Variants in MTAP observed in about 807,000 individuals in gnomAD.
The protein encoded by MTAP is S-methyl-5'-thioadenosine phosphorylase.
A neutral mutation model predicts 33.6 loss-of-function variants in MTAP; 33 were observed. The ratio of observed to expected loss-of-function variants is 0.98; its 90% CI spans 0.74 to 1.31. The LOEUF (loss-of-function observed/expected upper bound fraction) is 1.31. Among genes scored for constraint, MTAP ranks in the 40% most tolerant of loss-of-function variants. The probability of loss-of-function intolerance (pLI) is 0.00; values close to 1 mark genes in which losing one functional copy is unlikely to be tolerated. For synonymous variants in MTAP, 148 were observed against 125.7 expected (o/e 1.18, Z -1.19); for missense variants, 367 against 360.0 (o/e 1.02, Z -0.16).
At chr9:21,887,025 T>C (rs147728690) in intron 1 of MTAP, among the ~76,000 whole-genome samples, 229 of 152,326 alleles carry the variant, frequency 1.5e-3, no homozygotes, top group African/African-American at 5.2e-3. Context: ...GCATTGCTTT[T>C]GGCAGTATGG....
At chr9:21,915,265 G>T (rs941930825) in intron 1 of MTAP, among the ~76,000 whole-genome samples, 16 of 150,808 alleles carry the variant, frequency 1.1e-4, no homozygotes, top group Admixed American at 2.0e-4. Context: ...ATTTTTTTTT[G>T]TATTTTTAGT....
At position 21,863,582 on chromosome 9, in the gene MTAP, C is replaced by G. The variant is rs1825796136; in HGVS notation, c.*1568C>G. Reference sequence around the variant, plus strand: ...AGCTTGCAGTGAGACGAGCTTGTGCCACTGCACTCCAGCCTGGGCAACAGA... The same window carrying G: ...AGCTTGCAGTGAGACGAGCTTGTGCGACTGCACTCCAGCCTGGGCAACAGA... On this transcript the variant is annotated 3_prime_UTR_variant, in exon 8 of 8. Coordinates refer to ENST00000644715, the MANE Select transcript of MTAP (RefSeq NM_002451.4). 1 of 920,510 alleles carries G rather than the reference C, an allele frequency of 1.1e-6. No individual in the cohort carries two copies. Among genetic ancestry groups the G allele is most frequent in the Non-Finnish European group, 1.3e-6 (1 of 771,308 alleles). 57.0% of individuals were successfully genotyped at this position (920,510 alleles called of 1,614,324 possible).
At chr9:21,878,143 G>A (rs1158994193) in intron 1 of MTAP, among the ~76,000 whole-genome samples, 2 of 152,044 alleles carry the variant, frequency 1.3e-5, no homozygotes, top group Admixed American at 6.6e-5. Flanking sequence ...GTGTTCATAG[G>A]GGTGTTTATA....
At chr9:21,855,135 A>G (rs1243486348) in intron 6 of MTAP, among the ~76,000 whole-genome samples, 3 of 152,274 alleles carry the variant, frequency 2.0e-5, no homozygotes, top group South Asian at 2.1e-4. Context: ...CTTGGGCCTT[A>G]TTTTCAGGAT....
At chr9:21,803,728 G>A (rs1421292774) in intron 1 of MTAP, among the ~76,000 whole-genome samples, 1 of 84,354 alleles carries the variant, frequency 1.2e-5, no homozygotes, top group Non-Finnish European at 2.2e-5. Context: ...CTAAGAATGC[G>A]TTCTTGTTTG....
downstream of MTAP, chr9:21,867,160 A>G (rs1195434220): frequency 6.6e-6 from 1 of 152,164 alleles, no homozygotes; most frequent in Admixed American, 6.5e-5. Context: ...GAATAACAAC[A>G]GTTTACCTTT....
chr9:21,836,291 A>G (rs565445710), intron 4 of MTAP, among the ~76,000 whole-genome samples: 17 of 152,336 alleles, frequency 1.1e-4, no homozygotes, highest in Middle Eastern at 3.4e-3. Flanking sequence ...GAGGAAATTA[A>G]GACTGTAGTT....
rs1025246875 is a variant in MTAP at position 21,821,095 on chromosome 9, T to C, written c.347+2893T>C. On this transcript the variant is annotated intron_variant, in intron 4 of 7. Coordinates refer to ENST00000644715, the MANE Select transcript of MTAP (RefSeq NM_002451.4). ...AACAAGGACAATTTGATTACTCTTT[T>C]CCTAATTGAATACCCTTTACATCTT... Among the ~76,000 whole-genome samples the C allele has an allele frequency of 2.6e-5, 4 of 152,222 alleles. 1 individual carries two copies. Among genetic ancestry groups the C allele is most frequent in the Admixed American group, 1.3e-4 (2 of 15,288 alleles).
chr9:21,840,145 G>C (rs1825207818), intron 5 of MTAP, among the ~76,000 whole-genome samples: 1 of 151,914 alleles, frequency 6.6e-6, no homozygotes, highest in Non-Finnish European at 1.5e-5. Flanking sequence ...AGAATCGCTT[G>C]AACCTGGGAG....
downstream of MTAP, among the ~76,000 whole-genome samples, chr9:21,871,816 A>G (rs1465892295): frequency 6.6e-6 from 1 of 152,166 alleles, no homozygotes; most frequent in Non-Finnish European, 1.5e-5. Context: ...TTTACTACGT[A>G]AAATTCTACC....
intron 1 of MTAP, among the ~76,000 whole-genome samples, chr9:21,811,109 G>A (rs940823809): frequency 6.6e-5 from 10 of 152,214 alleles, no homozygotes; most frequent in African/African-American, 2.2e-4. Context: ...TTACCTTATC[G>A]TGAGCTTGAG....
At chr9:21,857,003 A>G (rs1825657523) in intron 6 of MTAP, among the ~76,000 whole-genome samples, 1 of 152,222 alleles carries the variant, frequency 6.6e-6, no homozygotes, top group African/African-American at 2.4e-5. Flanking sequence ...TGAGATATGT[A>G]AAAAAGCTAG....
downstream of MTAP, among the ~76,000 whole-genome samples, chr9:21,868,638 T>G (rs960021716): frequency 6.6e-6 from 1 of 152,128 alleles, no homozygotes; most frequent in Admixed American, 6.5e-5. Context: ...CTTTCCTACT[T>G]AAAACCCTTC....
Position 21,838,180 on chromosome 9 carries a change from C to A in MTAP, c.450+170C>A, listed in dbSNP as rs12378675. On this transcript the variant is annotated intron_variant, in intron 5 of 7. Transcript: ENST00000644715. The stretch of plus-strand genomic sequence containing the variant: ...TTCCTGTTGCTAATAATTTCCTGTT[C>A]CTCTGTTACTCTCAGTCATTTTAAG... Among the ~76,000 whole-genome samples, 7,172 of 152,278 alleles carry A rather than the reference C, an allele frequency of 0.047. 217 individuals are homozygous for A. The highest frequency in any genetic ancestry group is 0.078 in the Middle Eastern group (23 of 294).
chr9:21,852,509 CAAA>C (rs10628807), intron 5 of MTAP, among the ~76,000 whole-genome samples: 5 of 114,598 alleles, frequency 4.4e-5, no homozygotes, highest in Admixed American at 1.7e-4. Flanking sequence ...GACTCCATCT[CAAA>C]AAAAAAAAAA....
intron 1 of MTAP, among the ~76,000 whole-genome samples, chr9:21,920,049 AAG>A (rs1197654307): frequency 7.3e-6 from 1 of 136,628 alleles, no homozygotes; most frequent in African/African-American, 3.7e-5. Flanking sequence ...GATTAGAGAC[AAG>A]AGAACAAGAA....
At chr9:21,807,658 C>G (rs1824242854) in intron 1 of MTAP, among the ~76,000 whole-genome samples, 1 of 152,264 alleles carries the variant, frequency 6.6e-6, no homozygotes, top group Non-Finnish European at 1.5e-5. Context: ...GACCCCAAGG[C>G]TAAATCCCAA....
chr9:21,895,077 A>G (rs1189252081), intron 1 of MTAP, among the ~76,000 whole-genome samples: 1 of 152,222 alleles, frequency 6.6e-6, no homozygotes, highest in Non-Finnish European at 1.5e-5. Context: ...GGAAGCATCA[A>G]CACCATTAAA....
intron 1 of MTAP, among the ~76,000 whole-genome samples, chr9:21,904,384 A>G (rs963606674): frequency 2.0e-5 from 3 of 152,212 alleles, no homozygotes. Context: ...AGCCCTAGCC[A>G]GGGACCACGA....
Sources: gnomAD v4.1 joint callset for allele counts (sites outside exome capture counted in the v4.1 genomes callset) on GRCh38, gnomAD v4.1.1 for gene constraint, MANE v1.5 for transcripts, NCBI Gene and HGNC (gene_info 2026-07-23, HGNC 2026-07-21) for gene names.